The following TOMM34 variants were observed in gnomAD, a reference collection of about 807,000 sequenced individuals.
TOMM34 encodes translocase of outer mitochondrial membrane 34.
In TOMM34, 24 loss-of-function variants were observed where a neutral mutation model predicts 37.4. The ratio of observed to expected loss-of-function variants is 0.64; its 90% confidence interval spans 0.46 to 0.90. TOMM34 has a LOEUF of 0.90. TOMM34 is among the 40% of genes least tolerant of loss of function. The probability of loss-of-function intolerance (pLI) is 0.00; values close to 1 mark genes in which losing one functional copy is unlikely to be tolerated. For missense variants in TOMM34, 304 were observed against 375.6 expected, an observed-to-expected ratio of 0.81 and a Z score of 1.58; for synonymous variants, 154 against 148.9, an observed-to-expected ratio of 1.03 and a Z score of -0.25.
At chr20:44,958,426 C>A (rs2067096288) in intron 1 of TOMM34, 1 of 471,022 alleles carries the variant, frequency 2.1e-6, no homozygotes, top group Non-Finnish European at 4.4e-6. Context: ...TCTTGAGTCA[C>A]CAGAGTACGG....
At position 44,952,013 on chromosome 20, in the gene TOMM34, A is replaced by C; in HGVS notation, c.381-11T>G. ...AGAGCTCTGGTCATTCTGGAAAAGA[A>C]GGCAGGATTGCAGGGAGGTTTCCAG... On this transcript the variant is annotated splice_polypyrimidine_tract_variant and intron_variant, in intron 3 of 6. Transcript: ENST00000372813. 5.6e-6 allele frequency: 9 copies of C among 1,604,022 alleles called. No homozygotes were observed. The East Asian group carries it at 6.7e-5, about 12-fold the overall frequency.
Position 44,943,215 on chromosome 20 carries a change from T to G in TOMM34, c.826-2A>C. On this transcript the variant is annotated splice_acceptor_variant, in intron 6 of 6. Coordinates refer to ENST00000372813, the MANE Select transcript of TOMM34 (RefSeq NM_006809.5). LOFTEE classifies it high-confidence loss of function. ...GTCTGCAAAGCTGGATTTATAGTCC[T>G]AATAGAAGAAAAGACAGGAGTGTGG... 4 of 1,614,030 alleles carry G rather than the reference T, an allele frequency of 2.5e-6. No individual in the cohort carries two copies. Among genetic ancestry groups the G allele is most frequent in the Non-Finnish European group, 3.4e-6 (4 of 1,179,938 alleles).
intron 5 of TOMM34, 113 bp from the exon 6 acceptor site, chr20:44,943,692 T>A: frequency 6.9e-7 from 1 of 1,452,076 alleles, no homozygotes; most frequent in Non-Finnish European, 9.4e-7. Flanking sequence ...TCTGTGCTGG[T>A]TACTTTATGT....
intron 5 of TOMM34, among the ~76,000 whole-genome samples, chr20:44,946,144 C>T (rs1479983314): frequency 6.6e-6 from 1 of 152,282 alleles, no homozygotes; most frequent in Non-Finnish European, 1.5e-5. Flanking sequence ...CAGGCATGAG[C>T]CACCTCTAAA....
intron 3 of TOMM34, among the ~76,000 whole-genome samples, chr20:44,953,783 C>T (rs186095595): frequency 5.9e-5 from 9 of 152,352 alleles, no homozygotes; most frequent in African/African-American, 2.2e-4. Context: ...TCTCCACCCT[C>T]TCCCCTGGAT....
intron 2 of TOMM34, chr20:44,955,723 C>A: frequency 2.3e-6 from 1 of 439,104 alleles, no homozygotes; most frequent in Non-Finnish European, 4.6e-6. Flanking sequence ...AGAGGGAAAT[C>A]TGGCACAAGG....
chr20:44,958,324 CTT>C (rs1568666094), intron 1 of TOMM34: 2 of 470,726 alleles, frequency 4.2e-6, no homozygotes, highest in African/African-American at 2.0e-5. Flanking sequence ...GTTTTCCCCT[CTT>C]GTTTTGCCAG....
In TOMM34 at chr20:44,943,514, T is replaced by C; in HGVS notation, c.764A>G (p.Lys255Arg). Residue 255 changes from lysine (K) to arginine (R), a missense_variant, in exon 6 of 7, where the codon AAG becomes AGG. Physicochemically the swap from Lys to Arg is conservative, Grantham distance 26. Transcript: ENST00000372813. ...TGCCTTCACGTTCTTTCCATCCAGC[T>C]TGAGGGCTTCTGTGCAGTCCTTCAC... ...EAVKDCTEAL[K>R]LDGKNVKAFY... 6.2e-7 allele frequency: 1 copy of C among 1,614,198 alleles called. No individual in the cohort carries two copies. Among genetic ancestry groups the C allele is most frequent in the Non-Finnish European group, 8.5e-7 (1 of 1,180,044 alleles).
At chr20:44,946,468 G>A (rs2066981772) in intron 5 of TOMM34, among the ~76,000 whole-genome samples, 1 of 152,226 alleles carries the variant, frequency 6.6e-6, no homozygotes, top group African/African-American at 2.4e-5. Context: ...GAGTCACAAA[G>A]ATCTGGCTTA....
At chr20:44,954,104 C>A (rs2067049812) in intron 3 of TOMM34, among the ~76,000 whole-genome samples, 1 of 152,150 alleles carries the variant, frequency 6.6e-6, no homozygotes, top group Non-Finnish European at 1.5e-5. Flanking sequence ...ACCCCCTACC[C>A]CATATCTCTC....
chr20:44,957,032 A>G (rs2067079794), intron 1 of TOMM34, among the ~76,000 whole-genome samples: 1 of 152,172 alleles, frequency 6.6e-6, no homozygotes, highest in South Asian at 2.1e-4. Context: ...CAGGGAAATG[A>G]TAATTGAGCT....
In TOMM34 at chr20:44,942,870, C is replaced by T; in HGVS notation, c.*239G>A. The T allele has an allele frequency of 1.7e-6, 1 of 577,162 alleles. No individual in the cohort carries two copies. The highest frequency in any genetic ancestry group is 2.1e-5 in the South Asian group (1 of 47,342). 35.8% of individuals were successfully genotyped at this position (577,162 alleles called of 1,614,324 possible). The stretch of plus-strand genomic sequence containing the variant: ...TGGGGGAATAGGGACAGAGCTTCAG[C>T]TTCACGCTTAGCTCTAGTGGGGACC... On this transcript the variant is annotated 3_prime_UTR_variant, in exon 7 of 7. Transcript: ENST00000372813.
rs1396617002 is a variant in TOMM34 at position 44,960,372 on chromosome 20, C to T, written c.-39G>A. On this transcript the variant is annotated 5_prime_UTR_variant, in exon 1 of 7. Coordinates refer to ENST00000372813, the MANE Select transcript of TOMM34 (RefSeq NM_006809.5). ...CGGCGAGTTGGGAGCTCCTTCCTTC[C>T]TCCCCCGTGTGGTGCGGCACACCTT... 4.6e-6 allele frequency: 7 copies of T among 1,522,072 alleles called. No homozygotes were observed. Among genetic ancestry groups the T allele is most frequent in the African/African-American group, 2.8e-5 (2 of 70,516 alleles). 94.3% of individuals were successfully genotyped at this position (1,522,072 alleles called of 1,614,324 possible).
At position 44,948,717 on chromosome 20, in the gene TOMM34, G is replaced by A; in HGVS notation, c.698+13C>T. 6.2e-7 allele frequency: 1 copy of A among 1,614,106 alleles called. No individual in the cohort carries two copies. On this transcript the variant is annotated intron_variant, in intron 5 of 6. Transcript: ENST00000372813. ...CCTGAAATGCCCCAGGCCAGCAGCT[G>A]TATAGGAGATACCTGTTGCTGTACG...
intron 3 of TOMM34, among the ~76,000 whole-genome samples, chr20:44,954,346 C>T (rs1405419926): frequency 1.3e-5 from 2 of 152,192 alleles, no homozygotes; most frequent in African/African-American, 2.4e-5. Context: ...AGAGCAAAGT[C>T]TGTCACATAA....
At chr20:44,945,467 A>C (rs2066972442) in intron 5 of TOMM34, among the ~76,000 whole-genome samples, 1 of 152,192 alleles carries the variant, frequency 6.6e-6, no homozygotes, top group African/African-American at 2.4e-5. Flanking sequence ...TAGGCCTTGC[A>C]GCTTCCACCT....
At chr20:44,948,307 G>A (rs898842607) in intron 5 of TOMM34, among the ~76,000 whole-genome samples, 1 of 152,150 alleles carries the variant, frequency 6.6e-6, no homozygotes, top group Admixed American at 6.5e-5. Context: ...GCCAGGCAAT[G>A]GTTACTTCAC....
At chr20:44,959,097 T>G (rs2067102937) in intron 1 of TOMM34, 1 of 152,158 alleles carries the variant, frequency 6.6e-6, no homozygotes, top group East Asian at 1.9e-4. Context: ...TCTCTTGGAC[T>G]CCTCCTTTCT....
At chr20:44,949,322 A>G (rs1392852220) in intron 4 of TOMM34, among the ~76,000 whole-genome samples, 1 of 152,244 alleles carries the variant, frequency 6.6e-6, no homozygotes, top group Non-Finnish European at 1.5e-5. Context: ...CTATAAACTT[A>G]AAGCAGGACA....
Sources: allele counts gnomAD v4.1 joint callset (sites outside exome capture counted in the v4.1 genomes callset), GRCh38; gene constraint gnomAD v4.1.1; transcripts MANE v1.5; gene names NCBI Gene and HGNC (gene_info 2026-07-23, HGNC 2026-07-21).